The following ARG2 variants were observed in gnomAD, a reference collection of about 807,000 sequenced individuals.
ARG2 encodes arginase-2, mitochondrial.
In ARG2, 21 loss-of-function variants were observed where a neutral mutation model predicts 39.4. The ratio of observed to expected loss-of-function variants is 0.53; its 90% CI spans 0.38 to 0.77. ARG2 has a LOEUF of 0.77. Among genes scored for constraint, ARG2 ranks in the 30% least tolerant of loss-of-function variants. ARG2 has a pLI of 0.00. For missense variants in ARG2, 378 were observed against 426.2 expected (o/e 0.89, Z 1.00); for synonymous variants, 150 against 156.7 (o/e 0.96, Z 0.32).
In ARG2 at chr14:67,620,965, G is replaced by T. The variant is rs367731003; in HGVS notation, c.183G>T (p.Leu61Phe). Residue 61 changes from leucine (L) to phenylalanine (F), a missense_variant and splice_region_variant, in exon 2 of 8, where the codon TTG becomes TTT. Leu to Phe is a conservative substitution (Grantham distance 22). Transcript: ENST00000261783. The stretch of plus-strand genomic sequence containing the variant: ...GCTTGATGAAAAGGCTCTCCAGTTT[G>T]GGTAAGTGGTTAGATTTTTAGATAT... ...EAGLMKRLSS[L>F]GCHLKDFGDL... is the part of the protein sequence containing the mutation. 1.9e-6 allele frequency: 3 copies of T among 1,614,050 alleles called. No homozygotes were observed. The South Asian group carries it at 3.3e-5, about 18-fold the overall frequency.
At chr14:67,647,762 G>T (rs1427858144) in intron 6 of ARG2, 10 of 327,602 alleles carry the variant, frequency 3.1e-5, no homozygotes, top group Non-Finnish European at 1.7e-5. Context: ...ATTAGTATAA[G>T]AGGTTCTAAT....
intron 2 of ARG2, among the ~76,000 whole-genome samples, chr14:67,622,012 G>T (rs1212403124): frequency 1.3e-5 from 2 of 152,090 alleles, no homozygotes; most frequent in African/African-American, 2.4e-5. Flanking sequence ...CAGAAGAATT[G>T]CTTGAACCTG....
At chr14:67,620,136 G>C in intron 1 of ARG2, 48 bp downstream of exon 1, 1 of 1,379,474 alleles carries the variant, frequency 7.2e-7, no homozygotes, top group Non-Finnish European at 1.0e-6. Flanking sequence ...CCGCCCCCTA[G>C]AACCTGGAGA....
chr14:67,642,453 GA>G, intron 3 of ARG2, 90 bp downstream of exon 3: 1 of 1,428,556 alleles, frequency 7.0e-7, no homozygotes, highest in South Asian at 1.3e-5. Context: ...TTCATCTGGA[GA>G]AAAATACCCT....
At chr14:67,637,404 C>G (rs1174466504) in intron 2 of ARG2, among the ~76,000 whole-genome samples, 1 of 96,658 alleles carries the variant, frequency 1.0e-5, no homozygotes, top group African/African-American at 3.8e-5. Context: ...GAGCAAGACT[C>G]TGTCTCAAAA....
intron 2 of ARG2, among the ~76,000 whole-genome samples, chr14:67,631,217 C>G (rs890414245): frequency 6.6e-6 from 1 of 152,160 alleles, no homozygotes; most frequent in Non-Finnish European, 1.5e-5. Context: ...TTCTCATTGC[C>G]CTTTCACATT....
chr14:67,632,316 A>G (rs1257889900), intron 2 of ARG2, among the ~76,000 whole-genome samples: 2 of 152,246 alleles, frequency 1.3e-5, no homozygotes, highest in Non-Finnish European at 2.9e-5. Flanking sequence ...AGATGGTAAC[A>G]TAACTGACTT....
At chr14:67,640,037 A>C (rs1257625722) in intron 2 of ARG2, among the ~76,000 whole-genome samples, 1 of 151,998 alleles carries the variant, frequency 6.6e-6, no homozygotes, top group Non-Finnish European at 1.5e-5. Context: ...CATTCTCTTA[A>C]GTCTAAAGTA....
intron 7 of ARG2, chr14:67,650,083 C>A (rs2037152369): frequency 6.6e-6 from 1 of 152,310 alleles, no homozygotes; most frequent in African/African-American, 2.4e-5. Flanking sequence ...GCTGAATTTT[C>A]TCTTGATCAA....
intron 2 of ARG2, among the ~76,000 whole-genome samples, chr14:67,622,117 A>G (rs948973604): frequency 1.3e-5 from 2 of 152,148 alleles, no homozygotes; most frequent in Non-Finnish European, 2.9e-5. Flanking sequence ...CCTTTATGGC[A>G]GGAAGGTTCT....
At chr14:67,620,114 G>A (rs2036792741) in intron 1 of ARG2, 26 bp downstream of exon 1, 1 of 1,524,790 alleles carries the variant, frequency 6.6e-7, no homozygotes, top group Non-Finnish European at 8.9e-7. Context: ...TGGAACCGCC[G>A]GGCAGGATCC....
chr14:67,632,484 G>A (rs2036927776), intron 2 of ARG2, among the ~76,000 whole-genome samples: 1 of 152,088 alleles, frequency 6.6e-6, no homozygotes. Context: ...CACCCAGAGG[G>A]GAAACAGACT....
chr14:67,647,183 T>C (rs2037111998), intron 6 of ARG2, 158 bp downstream of exon 6: 1 of 543,600 alleles, frequency 1.8e-6, no homozygotes, highest in South Asian at 2.8e-5. Context: ...ACAGGTCATA[T>C]TCTTCCTCTG....
intron 2 of ARG2, among the ~76,000 whole-genome samples, chr14:67,622,495 C>G (rs182063866): frequency 1.1e-4 from 16 of 152,268 alleles, no homozygotes; most frequent in South Asian, 6.2e-4. Flanking sequence ...TTACTAAGGC[C>G]TCTCTTAGTC....
In ARG2 at chr14:67,620,084, G is replaced by T; in HGVS notation, c.107G>T (p.Gly36Val). The T allele has an allele frequency of 6.2e-7, 1 of 1,602,206 alleles. No individual in the cohort carries two copies. Among genetic ancestry groups the T allele is most frequent in the African/African-American group, 1.3e-5 (1 of 74,438 alleles). Residue 36 changes from glycine (G) to valine (V), a missense_variant, in exon 1 of 8, where the codon GGG becomes GTG. Gly to Val is a moderately radical substitution (Grantham distance 109). Transcript: ENST00000261783. ...GTGATAGGAGCCCCGTTCTCACAAG[G>T]GCAGGTGAGAACTGGCACCTGGAAC... Reference protein sequence around the residue: ...VAVIGAPFSQGQKRKGVEHGP... With the variant: ...VAVIGAPFSQVQKRKGVEHGP...
intron 3 of ARG2, among the ~76,000 whole-genome samples, chr14:67,645,250 G>A (rs1388987292): frequency 1.3e-5 from 2 of 151,660 alleles, no homozygotes; most frequent in Non-Finnish European, 2.9e-5. Flanking sequence ...CTGGGCTCAT[G>A]TGATCCTCTC....
chr14:67,620,124 C>G, intron 1 of ARG2, 36 bp downstream of exon 1: 1 of 1,461,482 alleles, frequency 6.8e-7, no homozygotes, highest in Non-Finnish European at 9.4e-7. Context: ...GGGCAGGATC[C>G]TCCGCCCCCT....
chr14:67,629,285 A>G (rs1284566990), intron 2 of ARG2, among the ~76,000 whole-genome samples: 2 of 152,196 alleles, frequency 1.3e-5, no homozygotes, highest in East Asian at 3.8e-4. Context: ...GCAGTGAGCT[A>G]TGATCATACC....
intron 1 of ARG2, 125 bp downstream of exon 1, chr14:67,620,213 G>A: frequency 1.5e-6 from 1 of 654,450 alleles, no homozygotes; most frequent in Non-Finnish European, 2.5e-6. Flanking sequence ...GAGGGGAAGA[G>A]CTGGCCGGTT....
Sources: gnomAD v4.1 joint callset for allele counts (sites outside exome capture counted in the v4.1 genomes callset) on GRCh38, gnomAD v4.1.1 for gene constraint, MANE v1.5 for transcripts, NCBI Gene and HGNC (gene_info 2026-07-23, HGNC 2026-07-21) for gene names.